Variants in MUC5B observed in about 807,000 individuals in gnomAD.
MUC5B encodes the protein mucin-5B.
MUC5B carries 116 observed loss-of-function variants against 376.9 expected under a neutral mutation model. The observed-to-expected ratio is 0.31, with a 90% CI of 0.26 to 0.36. The LOEUF is 0.36. MUC5B is among the 10% of genes least tolerant of loss of function. MUC5B has a pLI of 1.00. For missense variants in MUC5B, 7,165 were observed against 7,769.9 expected, an observed-to-expected ratio of 0.92 and a Z score of 2.93; for synonymous variants, 3,517 against 3,390.9, an observed-to-expected ratio of 1.04 and a Z score of -1.29.
intron 44 of MUC5B, 130 bp from the exon 45 acceptor site, chr11:1,259,626 C>T (rs979248805): frequency 1.2e-5 from 10 of 860,954 alleles, no homozygotes; most frequent in African/African-American, 5.0e-5. Context: ...GCAACTTCTT[C>T]GGGTATAGGC....
chr11:1,226,188 C>T lies in MUC5B; in HGVS notation c.128-17C>T. 6.5e-7 allele frequency: 1 copy of T among 1,546,076 alleles called. No individual in the cohort carries two copies. The highest frequency in any genetic ancestry group is 8.7e-7 in the Non-Finnish European group (1 of 1,146,342). On this transcript the variant is annotated splice_polypyrimidine_tract_variant and intron_variant, in intron 2 of 48. Coordinates refer to ENST00000529681, the MANE Select transcript of MUC5B (RefSeq NM_002458.3). ...CTTCCTGGCCACGTTCCTGGGGTGA[C>T]CAGCCTTCACCCACAGGTGCCCCGA...
intron 1 of MUC5B, among the ~76,000 whole-genome samples, chr11:1,224,827 G>T (rs182211828): frequency 6.6e-5 from 10 of 152,150 alleles, no homozygotes; most frequent in Admixed American, 6.5e-4. Context: ...CCACAGGGCC[G>T]GCCCCTCGCT....
Position 1,257,645 on chromosome 11 carries a change from G to C in MUC5B, c.16385G>C (p.Arg5462Pro). ...CAGGGTCAGCCCCCGCCGTGCAACC[G>C]TCCCGGCTTCGTAACCGTGACCAGG... ...DAQGQPPPCN[R>P]PGFVTVTRPR... The change falls in exon 41 of 49, where the codon CGT (arginine) becomes CCT (proline). Residue 5462 changes from arginine (R) to proline (P), a missense_variant. Coordinates refer to ENST00000529681, the MANE Select transcript of MUC5B (RefSeq NM_002458.3). This position sits in a 1 kb window ranked among gnomAD's most constrained non-coding sequence, Gnocchi z 8.9. The C allele has an allele frequency of 6.3e-7, 1 of 1,596,162 alleles. No individual in the cohort carries two copies. The highest frequency in any genetic ancestry group is 8.5e-7 in the Non-Finnish European group (1 of 1,177,266).
At position 1,235,173 on chromosome 11, in the gene MUC5B, G is replaced by A; in HGVS notation, c.2719G>A (p.Asp907Asn). 6.2e-7 allele frequency: 1 copy of A among 1,613,128 alleles called. No individual in the cohort carries two copies. The highest frequency in any genetic ancestry group is 8.5e-7 in the Non-Finnish European group (1 of 1,179,732). ...AYGDGHFITF[D>N]GDRYSFEGSC... ...CGGGGATGGCCACTTCATCACCTTT[G>A]ATGGCGATCGCTACAGCTTTGAAGG... Residue 907 changes from aspartate to asparagine, a missense_variant, in exon 22 of 49, where the codon GAT becomes AAT. Physicochemically the swap from Asp to Asn is conservative, Grantham distance 23 (BLOSUM62 1). Around this residue, in one of 31 missense-constraint regions of MUC5B, gnomAD observed 530 missense variants for 604.0 expected, o/e 0.88. Transcript: ENST00000529681.
chr11:1,223,465 A>G, intron 1 of MUC5B: 1 of 535,652 alleles, frequency 1.9e-6, no homozygotes, highest in Admixed American at 2.9e-5. Context: ...AGACCACCGA[A>G]AGGGTCTTGG....
At position 1,240,235 on chromosome 11, in the gene MUC5B, C is replaced by A; in HGVS notation, c.3830C>A (p.Thr1277Asn). 1 of 1,613,496 alleles carries A rather than the reference C, an allele frequency of 6.2e-7. No individual in the cohort carries two copies. Among genetic ancestry groups the A allele is most frequent in the Non-Finnish European group, 8.5e-7 (1 of 1,179,560 alleles). The stretch of plus-strand genomic sequence containing the variant: ...AGCTACCAGGACGTCATCTACAACA[C>A]CACCGATGGGCTTGGCGCCTGCTTG... ...TYSYQDVIYN[T>N]TDGLGACLIA... The change falls in exon 30 of 49, where the codon ACC (threonine) becomes AAC (asparagine). Residue 1277 changes from threonine to asparagine, a missense_variant. Around this residue, in one of 31 missense-constraint regions of MUC5B, gnomAD observed 517 missense variants for 545.3 expected, o/e 0.95. Coordinates refer to ENST00000529681, the MANE Select transcript of MUC5B (RefSeq NM_002458.3).
rs749531486 is a variant in MUC5B, at chr11:1,240,084, T to G, written c.3768T>G (p.Leu1256=). The change falls in exon 29 of 49, where the codon CTT becomes CTG. Residue 1256 remains leucine (L), a synonymous_variant. Transcript: ENST00000529681. ...TPSGIQCAHS[L]EACTCTYEDR... is the part of the protein sequence containing the mutation. ...GTGGCATCCAGTGCGCTCACAGCCT[T>G]GAGGGTAAGGAAGGGCCGGGGGGTT... 1.9e-5 allele frequency: 29 copies of G among 1,564,986 alleles called. No individual in the cohort carries two copies. The Admixed American group carries it at 4.5e-4, about 24-fold the overall frequency.
Position 1,247,752 on chromosome 11 carries a change from T to C in MUC5B, c.10872T>C (p.Gly3624=). Residue 3624 remains glycine, a synonymous_variant, in exon 31 of 49, where the codon GGT becomes GGC. Coordinates refer to ENST00000529681, the MANE Select transcript of MUC5B (RefSeq NM_002458.3). ...AGTGCCGTGCCCAGGCCCAGCCTGG[T>C]GTCCCCCTGCGGGAGTTGGGCCAGG... The part of the protein sequence containing the change: ...GLECRAQAQP[G]VPLRELGQVV... The C allele has an allele frequency of 6.2e-7, 1 of 1,606,814 alleles. No homozygotes were observed. The highest frequency in any genetic ancestry group is 8.5e-7 in the Non-Finnish European group (1 of 1,177,454).
At position 1,234,535 on chromosome 11, in the gene MUC5B, A is replaced by G. The variant is rs748103518; in HGVS notation, c.2485A>G (p.Thr829Ala). 1 of 1,579,958 alleles carries G rather than the reference A, an allele frequency of 6.3e-7. No individual in the cohort carries two copies. The highest frequency in any genetic ancestry group is 1.2e-5 in the South Asian group (1 of 85,984). Reference protein sequence around the residue: ...CHTLDVGCFSTHCVSGCVCPP... With the variant: ...CHTLDVGCFSAHCVSGCVCPP... The stretch of plus-strand genomic sequence containing the variant: ...ACCTGCCTGGGCCCCACAGTTCAGC[A>G]CACACTGCGTGTCCGGCTGTGTCTG... Residue 829 changes from threonine to alanine, a missense_variant, in exon 21 of 49, where the codon ACA becomes GCA. Thr to Ala is a moderately conservative substitution (Grantham distance 58). This residue lies in a region of MUC5B where 530 missense variants were observed against 604.0 expected (regional missense o/e 0.88). Coordinates refer to ENST00000529681, the MANE Select transcript of MUC5B (RefSeq NM_002458.3). This position sits in a 1 kb window ranked among gnomAD's most constrained non-coding sequence, Gnocchi z 6.3.
chr11:1,249,902 C>A lies in MUC5B; in HGVS notation c.13022C>A (p.Thr4341Asn). The part of the protein sequence containing the change: ...LGTTGTLPEQ[T>N]TTPVATMSTI... ...ACCACCGGGACCCTCCCAGAACAGACCACCACACCCGTGGCCACCATGTCC... is the reference window on the plus strand; with the variant it reads ...ACCACCGGGACCCTCCCAGAACAGAACACCACACCCGTGGCCACCATGTCC... Residue 4341 changes from threonine to asparagine, a missense_variant, in exon 31 of 49, where the codon ACC becomes AAC. This residue lies in a region of MUC5B where 431 missense variants were observed against 390.4 expected (regional missense o/e 1.10). Coordinates refer to ENST00000529681, the MANE Select transcript of MUC5B (RefSeq NM_002458.3). The A allele has an allele frequency of 6.2e-7, 1 of 1,613,616 alleles. No homozygotes were observed. The highest frequency in any genetic ancestry group is 8.5e-7 in the Non-Finnish European group (1 of 1,179,780).
chr11:1,236,359 T>C (rs1165331829), intron 23 of MUC5B, 27 bp from the exon 24 acceptor site: 1 of 1,587,592 alleles, frequency 6.3e-7, no homozygotes, highest in African/African-American at 1.3e-5. Context: ...CAGGGTCGGC[T>C]TCCGGCAGCG....
chr11:1,225,799 C>A, intron 2 of MUC5B, 62 bp downstream of exon 2: 1 of 1,500,060 alleles, frequency 6.7e-7, no homozygotes, highest in Non-Finnish European at 9.1e-7. Flanking sequence ...GGAATTTGGG[C>A]TGGGGCAGGC....
chr11:1,235,447 C>A (rs750829719), intron 23 of MUC5B, 34 bp downstream of exon 23: 1 of 1,574,640 alleles, frequency 6.4e-7, no homozygotes. Flanking sequence ...CACCCCCGAC[C>A]CTGCAGCCAA....
intron 14 of MUC5B, among the ~76,000 whole-genome samples, 176 bp downstream of exon 14, chr11:1,231,736 C>T (rs923281564): frequency 6.6e-6 from 1 of 152,214 alleles, no homozygotes; most frequent in Non-Finnish European, 1.5e-5. Context: ...CCAGCGGCCC[C>T]GGAAGCAGCC....
chr11:1,223,363 C>T, intron 1 of MUC5B, 170 bp downstream of exon 1: 1 of 688,880 alleles, frequency 1.5e-6, no homozygotes, highest in Non-Finnish European at 2.7e-6. Context: ...TCTGGGGCCC[C>T]ACGGGCTCAC....
Position 1,250,568 on chromosome 11 carries a change from C to G in MUC5B, c.13688C>G (p.Thr4563Arg), listed in dbSNP as rs543604386. The part of the protein sequence containing the change: ...SSTPETVHTS[T>R]VLTATATTTG... ...ACTCCAGAGACTGTCCACACCTCCACAGTGCTTACCGCCACGGCCACCACA... is the reference window on the plus strand; with the variant it reads ...ACTCCAGAGACTGTCCACACCTCCAGAGTGCTTACCGCCACGGCCACCACA... Residue 4563 changes from threonine (T) to arginine (R), a missense_variant, in exon 31 of 49, where the codon ACA (threonine) becomes AGA (arginine). Physicochemically the swap from Thr to Arg is moderately conservative, Grantham distance 71. Coordinates refer to ENST00000529681, the MANE Select transcript of MUC5B (RefSeq NM_002458.3). 1.9e-6 allele frequency: 3 copies of G among 1,613,652 alleles called. No individual in the cohort carries two copies. Among genetic ancestry groups the G allele is most frequent in the Admixed American group, 3.3e-5 (2 of 59,990 alleles).
In MUC5B at chr11:1,233,029, C is replaced by A; in HGVS notation, c.2082C>A (p.Asn694Lys). The A allele has an allele frequency of 6.3e-7, 1 of 1,596,366 alleles. No homozygotes were observed. Reference sequence around the variant, plus strand: ...CGACCACAGCCAAGTACATGCAGAACTGCCCCAAGTCCCAGCGCTACGCCT... The same window carrying A: ...CGACCACAGCCAAGTACATGCAGAAATGCCCCAAGTCCCAGCGCTACGCCT... ...RDGVCTKYMQ[N>K]CPKSQRYAYV... Residue 694 changes from asparagine (N) to lysine (K), a missense_variant, in exon 18 of 49, where the codon AAC becomes AAA. Transcript: ENST00000529681.
intron 46 of MUC5B, 124 bp from the exon 47 acceptor site, chr11:1,260,227 C>A: frequency 4.5e-6 from 6 of 1,332,692 alleles, no homozygotes; most frequent in Non-Finnish European, 5.2e-6. Flanking sequence ...CCCACCCCTG[C>A]CTGGGAGGCC....
Position 1,255,160 on chromosome 11 carries a change from G to T in MUC5B, c.15784G>T (p.Ala5262Ser). 2 of 1,561,738 alleles carry T rather than the reference G, an allele frequency of 1.3e-6. No homozygotes were observed. The highest frequency in any genetic ancestry group is 2.4e-5 in the South Asian group (2 of 84,754). ...VPDSRKDGCW[A>S]PTGTPPTASP... ...CGACAGCAGAAAGGATGGCTGCTGG[G>T]CCCCGACTGGCACACCCCCCACTGC... Residue 5262 changes from alanine (A) to serine (S), a missense_variant, in exon 36 of 49, where the codon GCC (alanine) becomes TCC (serine). Ala to Ser is a moderately conservative substitution (Grantham distance 99, BLOSUM62 1). Transcript: ENST00000529681.
Sources: gnomAD v4.1 joint callset for allele counts (sites outside exome capture counted in the v4.1 genomes callset) on GRCh38, gnomAD v4.1.1 for gene constraint, gnomAD v4.1.1 regional missense constraint, Gnocchi (gnomAD v3.1) non-coding constraint, MANE v1.5 for transcripts, NCBI Gene and HGNC (gene_info 2026-07-23, HGNC 2026-07-21) for gene names.